Variants in HS6ST2 observed in about 807,000 individuals in gnomAD.
HS6ST2 encodes the protein heparan sulfate 6-O-sulfotransferase 2, also known as heparan-sulfate 6-O-sulfotransferase 2.
In HS6ST2, 17 loss-of-function variants were observed where a neutral mutation model predicts 33.0. That is an observed-to-expected ratio of 0.52 (90% CI 0.35 to 0.77). HS6ST2 has a LOEUF of 0.77. HS6ST2 is among the 30% of genes least tolerant of loss of function. The pLI is 0.01. For missense variants in HS6ST2, 519 were observed against 551.7 expected, an observed-to-expected ratio of 0.94 and a Z score of 0.59; for synonymous variants, 248 against 237.1, an observed-to-expected ratio of 1.05 and a Z score of -0.42.
At chrX:132,748,613 C>CT (rs1256201989) in intron 2 of HS6ST2, among the ~76,000 whole-genome samples, 3 of 111,043 alleles carry the variant, frequency 2.7e-5, no homozygotes, top group Non-Finnish European at 5.7e-5. Context: ...GCCAGATGCT[C>CT]TTTTTTTGAG....
intron 3 of HS6ST2, among the ~76,000 whole-genome samples, chrX:132,683,572 AC>A (rs1224190548): frequency 8.9e-6 from 1 of 112,080 alleles, no homozygotes; most frequent in East Asian, 2.8e-4. Context: ...TTTCTTCTTG[AC>A]AGCTTTATAC....
At chrX:132,680,256 C>T (rs762032904) in intron 3 of HS6ST2, among the ~76,000 whole-genome samples, 12 of 111,055 alleles carry the variant, frequency 1.1e-4, no homozygotes, top group African/African-American at 2.9e-4. Flanking sequence ...TCACAATCCA[C>T]GTTCTTCTGC....
chrX:132,829,587 C>T (rs1446568749), intron 2 of HS6ST2, among the ~76,000 whole-genome samples: 1 of 111,156 alleles, frequency 9.0e-6, no homozygotes, highest in African/African-American at 3.3e-5. Flanking sequence ...AAGACTCAAG[C>T]CTTGCCCCTG....
chrX:132,628,191 G>T lies in HS6ST2; in HGVS notation c.*32C>A. On this transcript the variant is annotated 3_prime_UTR_variant, in exon 5 of 5. Coordinates refer to ENST00000370833, the MANE Select transcript of HS6ST2 (RefSeq NM_001394073.1). ...TATGCCATCTTTTCAGTGGCGCTTT[G>T]GGAGAAGTATGTACAGGCCTTTTTG... is the stretch of plus-strand genomic sequence containing the variant. The T allele has an allele frequency of 1.0e-6, 1 of 989,434 alleles. No homozygotes were observed. The highest frequency in any genetic ancestry group is 1.4e-6 in the Non-Finnish European group (1 of 729,687). 81.5% of individuals were successfully genotyped at this position (989,434 alleles called of 1,213,427 possible).
At chrX:132,761,036 GA>G (rs1016136217) in intron 2 of HS6ST2, among the ~76,000 whole-genome samples, 5 of 110,580 alleles carry the variant, frequency 4.5e-5, no homozygotes, top group Admixed American at 2.9e-4. Flanking sequence ...AGATATGGGT[GA>G]AAAAAAATCA....
chrX:132,884,771 G>T (rs2066229542), intron 2 of HS6ST2, among the ~76,000 whole-genome samples: 1 of 111,570 alleles, frequency 9.0e-6, no homozygotes, highest in South Asian at 3.8e-4. Context: ...TAGACTAACA[G>T]CATGGACTCA....
At chrX:132,768,478 A>C (rs1380534138) in intron 2 of HS6ST2, among the ~76,000 whole-genome samples, 1 of 111,964 alleles carries the variant, frequency 8.9e-6, no homozygotes, top group Non-Finnish European at 1.9e-5. Context: ...GAACGTGTAC[A>C]TCATATAAGG....
chrX:132,937,947 AGC>A (rs974206200), intron 2 of HS6ST2, among the ~76,000 whole-genome samples: 3 of 109,436 alleles, frequency 2.7e-5, no homozygotes, highest in Non-Finnish European at 5.7e-5. Context: ...GGACCTCCTG[AGC>A]GCAGGAGTTT....
chrX:132,684,843 G>C (rs2064003732), intron 3 of HS6ST2, among the ~76,000 whole-genome samples: 1 of 111,829 alleles, frequency 8.9e-6, no homozygotes, highest in South Asian at 3.8e-4. Context: ...CTGTTGTCCA[G>C]CTCTAGCACT....
At chrX:132,858,061 A>T (rs760959695) in intron 2 of HS6ST2, among the ~76,000 whole-genome samples, 1 of 111,729 alleles carries the variant, frequency 9.0e-6, no homozygotes, top group East Asian at 2.8e-4. Context: ...GTTTAAAATG[A>T]CCCTCACTGT....
intron 3 of HS6ST2, among the ~76,000 whole-genome samples, chrX:132,695,392 T>C (rs781423608): frequency 1.3e-4 from 15 of 112,213 alleles, no homozygotes; most frequent in Non-Finnish European, 2.6e-4. Flanking sequence ...TTATAAAATG[T>C]ACTAGCATCA....
chrX:132,643,993 G>A (rs2063621963), intron 4 of HS6ST2, among the ~76,000 whole-genome samples: 1 of 111,888 alleles, frequency 8.9e-6, no homozygotes, highest in Admixed American at 9.5e-5. Flanking sequence ...GTCTGGAATT[G>A]AGCTTAATTC....
chrX:132,631,061 C>T (rs1303245917), intron 4 of HS6ST2, among the ~76,000 whole-genome samples: 1 of 111,542 alleles, frequency 9.0e-6, no homozygotes, highest in African/African-American at 3.3e-5. Flanking sequence ...CTATATAGCC[C>T]TCATCCCATC....
rs568585140 is a variant in HS6ST2, at chrX:132,741,163, G to A, written c.948-32669C>T. Among the ~76,000 whole-genome samples the A allele has an allele frequency of 2.8e-4, 31 of 111,967 alleles. No homozygotes were observed. The South Asian group carries it at 8.9e-3, about 32-fold the overall frequency. On this transcript the variant is annotated intron_variant, in intron 2 of 4. Transcript: ENST00000370833. Reference sequence around the variant, plus strand: ...TGCCCAAGCCTGGCCAGCTGCGCCGGCAAAGCCATTCAGAAAAGCAGTGCC... The same window carrying A: ...TGCCCAAGCCTGGCCAGCTGCGCCGACAAAGCCATTCAGAAAAGCAGTGCC...
intron 1 of HS6ST2, among the ~76,000 whole-genome samples, chrX:132,957,609 C>T (rs886278291): frequency 1.8e-5 from 2 of 109,186 alleles, no homozygotes; most frequent in Non-Finnish European, 3.8e-5. Flanking sequence ...CTCCGGAGCT[C>T]CCCGGAGCCC....
At chrX:132,855,418 A>C (rs896729513) in intron 2 of HS6ST2, among the ~76,000 whole-genome samples, 2 of 112,580 alleles carry the variant, frequency 1.8e-5, no homozygotes, top group East Asian at 5.6e-4. Context: ...AAGTTTCATG[A>C]GAGCAGGAAC....
chrX:132,763,646 T>C (rs1217911880), intron 2 of HS6ST2, among the ~76,000 whole-genome samples: 1 of 111,961 alleles, frequency 8.9e-6, no homozygotes, highest in Non-Finnish European at 1.9e-5. Context: ...AACTGTGACA[T>C]GTCTAATCTT....
chrX:132,953,966 G>A (rs1202170755), intron 2 of HS6ST2, among the ~76,000 whole-genome samples: 1 of 112,228 alleles, frequency 8.9e-6, no homozygotes, highest in African/African-American at 3.2e-5. Flanking sequence ...GGGTTGTGGA[G>A]TCAGACAGAA....
At chrX:132,724,814 A>G (rs1380049286) in intron 2 of HS6ST2, among the ~76,000 whole-genome samples, 1 of 112,063 alleles carries the variant, frequency 8.9e-6, no homozygotes, top group East Asian at 2.8e-4. Context: ...AGACAGGTCA[A>G]TGGAACAGAA....
Sources: gnomAD v4.1 joint callset for allele counts (sites outside exome capture counted in the v4.1 genomes callset) on GRCh38, gnomAD v4.1.1 for gene constraint, MANE v1.5 for transcripts, NCBI Gene and HGNC (gene_info 2026-07-23, HGNC 2026-07-21) for gene names.